The following ZFHX3 variants were observed in gnomAD, a reference collection of about 807,000 sequenced individuals.
The protein encoded by ZFHX3 is zinc finger homeobox protein 3.
In ZFHX3, 42 loss-of-function variants were observed where a neutral mutation model predicts 279.1. The ratio of observed to expected loss-of-function variants is 0.15; its 90% CI spans 0.12 to 0.19. The LOEUF is 0.19. ZFHX3 is among the 10% of genes least tolerant of loss of function. ZFHX3 has a pLI of 1.00. For missense variants in ZFHX3, 4,981 were observed against 4,754.0 expected (o/e 1.05, Z -1.40); for synonymous variants, 2,293 against 1,957.8 (o/e 1.17, Z -4.52).
intron 2 of ZFHX3, among the ~76,000 whole-genome samples, chr16:73,618,546 T>A (rs1418493567): frequency 1.3e-5 from 2 of 152,230 alleles, no homozygotes; most frequent in Admixed American, 6.5e-5. Flanking sequence ...ATTAGATTTA[T>A]TTCTATCACC....
At chr16:73,670,904 G>C (rs1451106333) in intron 2 of ZFHX3, among the ~76,000 whole-genome samples, 1 of 152,192 alleles carries the variant, frequency 6.6e-6, no homozygotes, top group Non-Finnish European at 1.5e-5. Context: ...AAGTTTGCAA[G>C]TTTAGATAAC....
At chr16:73,196,902 T>A (rs920855655) in intron 5 of ZFHX3, among the ~76,000 whole-genome samples, 1 of 152,162 alleles carries the variant, frequency 6.6e-6, no homozygotes, top group African/African-American at 2.4e-5. Flanking sequence ...GGACTCTTGA[T>A]GGTAGGCGTT....
At position 72,903,012 on chromosome 16, in the gene ZFHX3, G is replaced by A. The variant is rs1443493325; in HGVS notation, c.3217-13050C>T. Among the ~76,000 whole-genome samples the A allele has an allele frequency of 2.0e-5, 3 of 152,158 alleles. No homozygotes were observed. In the East Asian group the frequency reaches 5.8e-4, roughly 29 times the overall value. ...ATGTGGGAAGTCAGGAGTCTTGAAT[G>A]CAACTGCACCCAGCCCGGTACTGCA... is the stretch of plus-strand genomic sequence containing the variant. On this transcript the variant is annotated intron_variant, in intron 3 of 9. Transcript: ENST00000268489.
intron 5 of ZFHX3, among the ~76,000 whole-genome samples, chr16:73,158,864 C>A (rs1487764818): frequency 6.6e-6 from 1 of 152,190 alleles, no homozygotes; most frequent in East Asian, 1.9e-4. Context: ...GCTGGGATAA[C>A]TGACTAGCCA....
At chr16:73,161,561 G>T (rs1375044849) in intron 5 of ZFHX3, among the ~76,000 whole-genome samples, 1 of 152,176 alleles carries the variant, frequency 6.6e-6, no homozygotes, top group Non-Finnish European at 1.5e-5. Flanking sequence ...CACTGCACTG[G>T]TTTCCAACCT....
chr16:73,146,376 C>T lies in ZFHX3; in HGVS notation c.-1103-2545G>A, dbSNP rs370388664. Among the ~76,000 whole-genome samples the T allele has an allele frequency of 7.5e-4, 114 of 151,692 alleles. 2 individuals are homozygous for T. The South Asian group carries it at 0.023, about 30-fold the overall frequency. On this transcript the variant is annotated intron_variant, in intron 5 of 17. Transcript: ENST00000641206. ...CCGGGAGGCGGAGGTTGCAGTGAGC[C>T]GAGATCGAGCCACTGCACTCCAGCC...
At chr16:73,259,180 C>T (rs758635080) in intron 4 of ZFHX3, among the ~76,000 whole-genome samples, 1 of 152,170 alleles carries the variant, frequency 6.6e-6, no homozygotes, top group Non-Finnish European at 1.5e-5. Context: ...CACGTGTGAG[C>T]GTTTCCCTAG....
intron 4 of ZFHX3, among the ~76,000 whole-genome samples, chr16:72,846,633 CA>C (rs1204562045): frequency 6.6e-6 from 1 of 152,252 alleles, no homozygotes; most frequent in Non-Finnish European, 1.5e-5. Context: ...TCCCCCTTAG[CA>C]GAGAACTGTT....
chr16:73,571,625 T>C (rs1193676099), intron 2 of ZFHX3, among the ~76,000 whole-genome samples: 2 of 129,098 alleles, frequency 1.5e-5, no homozygotes, highest in Non-Finnish European at 3.3e-5. Context: ...TAGGTCAGTA[T>C]TAAAATAGAA....
At chr16:73,295,875 C>T (rs1266903845) in intron 4 of ZFHX3, among the ~76,000 whole-genome samples, 3 of 152,212 alleles carry the variant, frequency 2.0e-5, no homozygotes, top group Admixed American at 2.0e-4. Flanking sequence ...CAACAGGCAC[C>T]TCCTCTGCAG....
intron 4 of ZFHX3, among the ~76,000 whole-genome samples, chr16:73,313,727 G>A (rs1484789172): frequency 6.6e-6 from 1 of 152,196 alleles, no homozygotes; most frequent in African/African-American, 2.4e-5. Flanking sequence ...TATGTGTCAG[G>A]CAAACACAGC....
chr16:73,172,931 G>GTTTTTTTTTTT (rs376709821), intron 5 of ZFHX3, among the ~76,000 whole-genome samples: 4 of 97,154 alleles, frequency 4.1e-5, no homozygotes, highest in Admixed American at 1.3e-4. Flanking sequence ...GCTGCCTGTG[G>GTTTTTTTTTTT]TTTTTTTTTT....
At chr16:72,912,227 G>A (rs752661978) in intron 3 of ZFHX3, among the ~76,000 whole-genome samples, 2 of 152,194 alleles carry the variant, frequency 1.3e-5, no homozygotes, top group Non-Finnish European at 2.9e-5. Context: ...GCCGCTGGGA[G>A]CAATGTCAGG....
intron 3 of ZFHX3, among the ~76,000 whole-genome samples, chr16:73,395,346 C>T (rs995477521): frequency 2.0e-5 from 3 of 152,018 alleles, no homozygotes; most frequent in Non-Finnish European, 4.4e-5. Context: ...TGCCTGTAGT[C>T]CCAGCTACTC....
chr16:73,307,762 A>G (rs973064562), intron 4 of ZFHX3, among the ~76,000 whole-genome samples: 1 of 152,198 alleles, frequency 6.6e-6, no homozygotes, highest in Non-Finnish European at 1.5e-5. Context: ...TTTTATACCC[A>G]CGAGGTGATG....
intron 1 of ZFHX3, among the ~76,000 whole-genome samples, chr16:73,800,581 C>G (rs1164983269): frequency 6.6e-6 from 1 of 151,976 alleles, no homozygotes; most frequent in East Asian, 1.9e-4. Flanking sequence ...TCCTCTTTCC[C>G]CCTGTTCTGA....
chr16:73,642,714 A>G (rs2052584743), intron 2 of ZFHX3, among the ~76,000 whole-genome samples: 2 of 152,158 alleles, frequency 1.3e-5, no homozygotes, highest in Non-Finnish European at 2.9e-5. Flanking sequence ...CCACATAGGT[A>G]CCCTAGAACA....
chr16:73,314,948 C>A (rs1448721500), intron 4 of ZFHX3, among the ~76,000 whole-genome samples: 1 of 152,198 alleles, frequency 6.6e-6, no homozygotes, highest in African/African-American at 2.4e-5. Flanking sequence ...ATAATTCAGG[C>A]TGGGCGTGAT....
Position 73,773,324 on chromosome 16 carries a change from A to T in ZFHX3, c.-1607-93084T>A, listed in dbSNP as rs903336801. The stretch of plus-strand genomic sequence containing the variant: ...CCTTTCTTTATGGTCCTCAGACCTC[A>T]CCACCAGGCAGTAGTTCTCCCCATC... On this transcript the variant is annotated intron_variant, in intron 1 of 17. Transcript: ENST00000641206. Among the ~76,000 whole-genome samples the T allele has an allele frequency of 3.3e-5, 5 of 152,168 alleles. No homozygotes were observed. In the East Asian group the frequency reaches 9.7e-4, roughly 29 times the overall value.
Sources: allele counts gnomAD v4.1 joint callset (sites outside exome capture counted in the v4.1 genomes callset), GRCh38; gene constraint gnomAD v4.1.1; transcripts MANE v1.5; gene names NCBI Gene and HGNC (gene_info 2026-07-23, HGNC 2026-07-21).